Variants in TAFA5 observed in about 807,000 individuals in gnomAD.
The protein encoded by TAFA5 is chemokine-like protein TAFA-5.
In TAFA5, 6 loss-of-function variants were observed where a neutral mutation model predicts 15.3. That is an observed-to-expected ratio of 0.39 (90% confidence interval 0.21 to 0.77). TAFA5 has a LOEUF of 0.77. Among genes scored for constraint, TAFA5 ranks in the 30% least tolerant of loss-of-function variants. The pLI is 0.41. For synonymous variants in TAFA5, 103 were observed against 80.7 expected, an observed-to-expected ratio of 1.28 and a Z score of -1.48; for missense variants, 161 against 193.1, an observed-to-expected ratio of 0.83 and a Z score of 0.98.
chr22:48,518,293 C>G (rs1921484956), intron 1 of TAFA5, among the ~76,000 whole-genome samples: 1 of 152,184 alleles, frequency 6.6e-6, no homozygotes, highest in Non-Finnish European at 1.5e-5. Flanking sequence ...TCAGCCCTCC[C>G]CTCTGTGAAA....
intron 1 of TAFA5, among the ~76,000 whole-genome samples, chr22:48,501,742 G>C (rs899617443): frequency 1.3e-5 from 2 of 152,204 alleles, no homozygotes; most frequent in East Asian, 3.9e-4. Context: ...GGCCCCAGGG[G>C]TGTGGCGGAG....
chr22:48,563,188 C>T (rs1364972159), intron 1 of TAFA5, among the ~76,000 whole-genome samples: 1 of 152,154 alleles, frequency 6.6e-6, no homozygotes, highest in African/African-American at 2.4e-5. Context: ...GACAAGTGGC[C>T]CCCTCATCCC....
At chr22:48,575,946 G>A (rs1923766261) in intron 1 of TAFA5, among the ~76,000 whole-genome samples, 1 of 144,372 alleles carries the variant, frequency 6.9e-6, no homozygotes, top group Non-Finnish European at 1.5e-5. Flanking sequence ...GGAGGAGGCG[G>A]CGGCGGCGGA....
intron 1 of TAFA5, among the ~76,000 whole-genome samples, chr22:48,593,775 G>A (rs1299970842): frequency 1.3e-5 from 2 of 152,104 alleles, no homozygotes; most frequent in Non-Finnish European, 2.9e-5. Context: ...TCCACTTCCC[G>A]ATCTGTGAAA....
chr22:48,698,215 A>G (rs1004117055), intron 2 of TAFA5, among the ~76,000 whole-genome samples: 11 of 151,276 alleles, frequency 7.3e-5, no homozygotes, highest in African/African-American at 2.7e-4. Flanking sequence ...GATGGTGATG[A>G]TAATGGCAGT....
rs191781168 is a variant in TAFA5 at position 48,665,793 on chromosome 22, G to A, written c.262+19047G>A. Among the ~76,000 whole-genome samples, 16 of 152,240 alleles carry A rather than the reference G, an allele frequency of 1.1e-4. No homozygotes were observed. In the East Asian group the frequency reaches 2.7e-3, roughly 26 times the overall value. On this transcript the variant is annotated intron_variant, in intron 2 of 3. Coordinates refer to ENST00000402357, the MANE Select transcript of TAFA5 (RefSeq NM_001082967.3). ...CTGAAAGCCGGAGCTGAGATCACACGCAGATTCCTATCTAGCGGCAGGCGC... is the reference window on the plus strand; with the variant it reads ...CTGAAAGCCGGAGCTGAGATCACACACAGATTCCTATCTAGCGGCAGGCGC...
intron 1 of TAFA5, among the ~76,000 whole-genome samples, chr22:48,512,249 C>T (rs549664391): frequency 3.0e-4 from 46 of 152,316 alleles, no homozygotes; most frequent in African/African-American, 9.4e-4. Context: ...CCTCTCGCTG[C>T]GCGGCCACAG....
intron 2 of TAFA5, among the ~76,000 whole-genome samples, chr22:48,648,709 G>A (rs1181416302): frequency 5.3e-5 from 8 of 152,150 alleles, no homozygotes; most frequent in African/African-American, 1.9e-4. Context: ...GTGGTGGTGT[G>A]CACCAGCTAC....
intron 3 of TAFA5, among the ~76,000 whole-genome samples, chr22:48,729,072 T>C (rs1929786683): frequency 6.6e-6 from 1 of 151,946 alleles, no homozygotes; most frequent in African/African-American, 2.4e-5. Flanking sequence ...AAAACTACCA[T>C]ACATAACTGA....
chr22:48,508,341 A>G (rs1377650156), intron 1 of TAFA5, among the ~76,000 whole-genome samples: 2 of 152,214 alleles, frequency 1.3e-5, no homozygotes, highest in Non-Finnish European at 2.9e-5. Context: ...CCGCCCCCCC[A>G]GAGCTGGCCA....
chr22:48,663,294 G>A (rs1441265977), intron 2 of TAFA5, among the ~76,000 whole-genome samples: 2 of 152,152 alleles, frequency 1.3e-5, no homozygotes, highest in African/African-American at 4.8e-5. Context: ...TGCAGTTGGG[G>A]GCACTAGAGT....
At chr22:48,559,269 T>C (rs963754925) in intron 1 of TAFA5, among the ~76,000 whole-genome samples, 1 of 152,164 alleles carries the variant, frequency 6.6e-6, no homozygotes, top group African/African-American at 2.4e-5. Flanking sequence ...TTGGGACCCA[T>C]GGCGGTCGGG....
intron 3 of TAFA5, among the ~76,000 whole-genome samples, chr22:48,712,385 G>A (rs1447296656): frequency 2.0e-5 from 3 of 152,190 alleles, no homozygotes; most frequent in East Asian, 1.9e-4. Context: ...AGTGCAGGCC[G>A]TCACCCCATT....
At position 48,694,195 on chromosome 22, in the gene TAFA5, A is replaced by G. The variant is rs183853280; in HGVS notation, c.263-13522A>G. Among the ~76,000 whole-genome samples the G allele has an allele frequency of 1.4e-3, 208 of 152,350 alleles. 2 individuals carry two copies. The highest frequency in any genetic ancestry group is 4.4e-3 in the African/African-American group (183 of 41,592). On this transcript the variant is annotated intron_variant, in intron 2 of 3. Coordinates refer to ENST00000402357, the MANE Select transcript of TAFA5 (RefSeq NM_001082967.3). ...ATTGATTCCCCATAGGTAGAAATCA[A>G]TAATAAAATTCCAGTAATAAATGAG...
At chr22:48,701,139 C>T (rs1487847014) in intron 2 of TAFA5, among the ~76,000 whole-genome samples, 2 of 152,160 alleles carry the variant, frequency 1.3e-5, no homozygotes, top group Admixed American at 6.5e-5. Flanking sequence ...GCACACAGCT[C>T]GAGTGGGTGT....
At chr22:48,743,954 G>A (rs1930253989) in intron 3 of TAFA5, among the ~76,000 whole-genome samples, 1 of 152,246 alleles carries the variant, frequency 6.6e-6, no homozygotes, top group African/African-American at 2.4e-5. Context: ...GATCACACCA[G>A]TCGTGATGAG....
chr22:48,585,817 G>A (rs1417883041), intron 1 of TAFA5, among the ~76,000 whole-genome samples: 4 of 151,548 alleles, frequency 2.6e-5, no homozygotes, highest in South Asian at 2.1e-4. Flanking sequence ...CACACAAAGC[G>A]CAGAAACACA....
chr22:48,634,374 CACTT>C (rs1926365261), intron 1 of TAFA5, among the ~76,000 whole-genome samples: 2 of 152,244 alleles, frequency 1.3e-5, no homozygotes, highest in East Asian at 1.9e-4. Flanking sequence ...TTCATTAACT[CACTT>C]ATTCAGTCAC....
At chr22:48,719,386 G>A (rs1297636107) in intron 3 of TAFA5, among the ~76,000 whole-genome samples, 6 of 152,232 alleles carry the variant, frequency 3.9e-5, no homozygotes, top group African/African-American at 1.4e-4. Flanking sequence ...ATCAGATGGC[G>A]TTCATGGAGA....
Sources: allele counts gnomAD v4.1 joint callset (sites outside exome capture counted in the v4.1 genomes callset), GRCh38; gene constraint gnomAD v4.1.1; transcripts MANE v1.5; gene names NCBI Gene and HGNC (gene_info 2026-07-23, HGNC 2026-07-21).